Variants in NRXN3 observed in about 807,000 individuals in gnomAD.
NRXN3 encodes the protein neurexin III.
A neutral mutation model predicts 137.6 loss-of-function variants in NRXN3; 32 were observed. That is an observed-to-expected ratio of 0.23 (90% CI 0.18 to 0.31). NRXN3 has a LOEUF of 0.31. Ranked by LOEUF, NRXN3 falls within the 10% of genes least tolerant of loss-of-function variation. NRXN3 has a pLI of 1.00. For synonymous variants in NRXN3, 798 were observed against 784.5 expected (o/e 1.02, Z -0.29); for missense variants, 1,574 against 2,062.5 (o/e 0.76, Z 4.59).
At chr14:79,011,288 A>G (rs1377770047) in intron 15 of NRXN3, among the ~76,000 whole-genome samples, 2 of 151,958 alleles carry the variant, frequency 1.3e-5, no homozygotes, top group Admixed American at 6.6e-5. Flanking sequence ...ATCTGGTGTA[A>G]AAGTGATTGT....
At chr14:78,879,303 T>G (rs772638362) in intron 10 of NRXN3, among the ~76,000 whole-genome samples, 59 of 152,350 alleles carry the variant, frequency 3.9e-4, no homozygotes, top group Middle Eastern at 6.8e-3. Context: ...TCATAATGGC[T>G]ACATGATATA....
intron 17 of NRXN3, among the ~76,000 whole-genome samples, chr14:79,679,788 T>A (rs2098660370): frequency 6.6e-6 from 1 of 152,202 alleles, no homozygotes; most frequent in Non-Finnish European, 1.5e-5. Flanking sequence ...TTTTACATAA[T>A]CATTGGCCAC....
intron 4 of NRXN3, among the ~76,000 whole-genome samples, chr14:78,527,736 T>C (rs548216675): frequency 2.0e-5 from 3 of 152,288 alleles, no homozygotes; most frequent in Admixed American, 6.5e-5. Context: ...ATTTTGTCAA[T>C]GATAAACTAA....
intron 4 of NRXN3, among the ~76,000 whole-genome samples, chr14:78,458,190 C>G (rs2094807179): frequency 6.6e-6 from 1 of 152,146 alleles, no homozygotes; most frequent in Admixed American, 6.5e-5. Context: ...GAGAGAGACA[C>G]TCTATTTCAT....
At chr14:79,479,765 C>A (rs940213050) in intron 16 of NRXN3, among the ~76,000 whole-genome samples, 2 of 152,172 alleles carry the variant, frequency 1.3e-5, no homozygotes, top group Admixed American at 6.5e-5. Flanking sequence ...CACCTAATTA[C>A]CCCCAAGCCA....
In NRXN3 at chr14:79,358,660, A is replaced by AGAAAGAAAGAAAGAAG. The variant is rs1566903357; in HGVS notation, c.3263-108552_3263-108551insAAAGAAGGAAAGAAAG. On this transcript the variant is annotated intron_variant, in intron 15 of 20. Coordinates refer to ENST00000335750, the MANE Select transcript of NRXN3 (RefSeq NM_001330195.2). ...AAGAAAGAAAGAAAGAAAGAAAGAA[A>AGAAAGAAAGAAAGAAG]GAAAGAAAGTGTCCTAAAAGAAGTG... 3.3e-5 allele frequency among the ~76,000 whole-genome samples: 5 copies of AGAAAGAAAGAAAGAAG among 150,900 alleles called. No individual in the cohort carries two copies. The East Asian group carries it at 1.0e-3, about 31-fold the overall frequency.
intron 15 of NRXN3, among the ~76,000 whole-genome samples, chr14:79,200,449 AG>A (rs2065810563): frequency 6.6e-6 from 1 of 152,160 alleles, no homozygotes; most frequent in Admixed American, 6.5e-5. Context: ...TGGAATAGTG[AG>A]GGTCTCAGAA....
rs184912373 is a variant in NRXN3, at chr14:78,207,734, C to T, written c.-703-34657C>T. Among the ~76,000 whole-genome samples, 1,065 of 152,320 alleles carry T rather than the reference C, an allele frequency of 7.0e-3. 33 individuals carry two copies. The highest frequency in any genetic ancestry group is 0.054 in the Admixed American group (821 of 15,302). On this transcript the variant is annotated intron_variant, in intron 1 of 20. Coordinates refer to ENST00000335750, the MANE Select transcript of NRXN3 (RefSeq NM_001330195.2). Reference sequence around the variant, plus strand: ...TAGTCATCACGCCCTTTTGGTTCTTCTTTTAAAATATCTTTGAACTCCACT... The same window carrying T: ...TAGTCATCACGCCCTTTTGGTTCTTTTTTTAAAATATCTTTGAACTCCACT...
intron 15 of NRXN3, among the ~76,000 whole-genome samples, chr14:79,342,797 G>T (rs540819871): frequency 2.0e-5 from 3 of 152,128 alleles, no homozygotes; most frequent in African/African-American, 7.2e-5. Context: ...GGTTCACCTT[G>T]TCTGCTGCCT....
chr14:78,661,987 T>C (rs1227647039), intron 6 of NRXN3, among the ~76,000 whole-genome samples: 1 of 151,674 alleles, frequency 6.6e-6, no homozygotes, highest in East Asian at 1.9e-4. Context: ...CCAATTCTCA[T>C]GCCTCAGTCT....
chr14:79,387,407 C>T (rs1438699413), intron 15 of NRXN3, among the ~76,000 whole-genome samples: 1 of 151,982 alleles, frequency 6.6e-6, no homozygotes, highest in Non-Finnish European at 1.5e-5. Context: ...AATGAGATAC[C>T]ATCTCACACC....
intron 19 of NRXN3, among the ~76,000 whole-genome samples, chr14:79,775,990 A>C (rs1490079072): frequency 6.6e-6 from 1 of 152,186 alleles, no homozygotes; most frequent in East Asian, 1.9e-4. Flanking sequence ...GGTTCTTCAT[A>C]AATAGCCAAG....
chr14:79,656,816 G>A (rs2098508647), intron 16 of NRXN3, among the ~76,000 whole-genome samples: 1 of 152,046 alleles, frequency 6.6e-6, no homozygotes, highest in Non-Finnish European at 1.5e-5. Flanking sequence ...TAACTTTCCT[G>A]GTTGGGTGCA....
At chr14:79,610,397 G>A (rs572737941) in intron 16 of NRXN3, among the ~76,000 whole-genome samples, 6 of 152,086 alleles carry the variant, frequency 3.9e-5, no homozygotes, top group African/African-American at 1.2e-4. Flanking sequence ...GTATTTAACA[G>A]TTTTCATGTT....
intron 15 of NRXN3, among the ~76,000 whole-genome samples, chr14:79,395,611 A>G (rs572416843): frequency 3.3e-5 from 5 of 152,102 alleles, no homozygotes; most frequent in Admixed American, 6.5e-5. Context: ...GATCAAGGCC[A>G]TCCTGGCTAA....
At chr14:78,871,425 T>C (rs924079817) in intron 10 of NRXN3, among the ~76,000 whole-genome samples, 2 of 152,122 alleles carry the variant, frequency 1.3e-5, no homozygotes, top group Non-Finnish European at 2.9e-5. Flanking sequence ...AATTACATGA[T>C]ATGAAATTCA....
intron 15 of NRXN3, among the ~76,000 whole-genome samples, chr14:79,181,146 A>G (rs892786840): frequency 3.3e-5 from 5 of 151,926 alleles, no homozygotes; most frequent in Non-Finnish European, 5.9e-5. Flanking sequence ...GTCTATAAAG[A>G]TTCTAAATAG....
At chr14:78,811,511 G>C (rs778034263) in intron 10 of NRXN3, among the ~76,000 whole-genome samples, 4 of 152,140 alleles carry the variant, frequency 2.6e-5, no homozygotes, top group South Asian at 2.1e-4. Context: ...AAATGTAGTC[G>C]GCTAGTGCAC....
intron 15 of NRXN3, among the ~76,000 whole-genome samples, chr14:79,228,290 GC>G (rs10712874): frequency 0.028 from 4,190 of 152,114 alleles, 140 homozygotes; most frequent in South Asian, 0.086. Context: ...ATTCTTAGGG[GC>G]AGGGAGGAGG....
Sources: gnomAD v4.1 joint callset for allele counts (sites outside exome capture counted in the v4.1 genomes callset) on GRCh38, gnomAD v4.1.1 for gene constraint, MANE v1.5 for transcripts, NCBI Gene and HGNC (gene_info 2026-07-23, HGNC 2026-07-21) for gene names.